SCOC: variants seen among roughly 807,000 people sequenced by gnomAD.
SCOC encodes short coiled coil protein.
In SCOC, 7 loss-of-function variants were observed where a neutral mutation model predicts 9.9. The observed-to-expected ratio is 0.71, with a 90% CI of 0.40 to 1.33. SCOC has a LOEUF of 1.33. Among genes scored for constraint, SCOC ranks in the 40% most tolerant of loss-of-function variants. The pLI is 0.01. For missense variants in SCOC, 66 were observed against 89.7 expected (o/e 0.74, Z 1.07); for synonymous variants, 19 against 28.2 (o/e 0.67, Z 1.03).
chr4:140,342,484 T>C (rs1726549148), upstream of SCOC, among the ~76,000 whole-genome samples: 1 of 152,218 alleles, frequency 6.6e-6, no homozygotes, highest in Non-Finnish European at 1.5e-5. Context: ...TTGCAGAATA[T>C]AATTGAAAAA....
At position 140,288,743 on chromosome 4, in the gene SCOC, ACAC is replaced by A. The variant is rs1731377939; in HGVS notation, c.-19+31337_-19+31339del. ...ATATACAAGTTACAGACATGTACACACACCACACACATCACCCTCATGCACATA... is the reference window on the plus strand; with the variant it reads ...ATATACAAGTTACAGACATGTACACACACACACATCACCCTCATGCACATA... On this transcript the variant is annotated intron_variant, in intron 1 of 4. Coordinates refer to the SCOC transcript ENST00000394205. 2.6e-5 allele frequency among the ~76,000 whole-genome samples: 4 copies of A among 152,024 alleles called. No homozygotes were observed. The East Asian group carries it at 7.7e-4, about 29-fold the overall frequency.
intron 1 of SCOC, among the ~76,000 whole-genome samples, chr4:140,321,432 T>G (rs957425871): frequency 3.3e-5 from 5 of 152,038 alleles, no homozygotes; most frequent in African/African-American, 1.2e-4. Flanking sequence ...TAAAGACTAA[T>G]GGAAAAGGTG....
chr4:140,268,523 C>G (rs1009002028), intron 1 of SCOC, among the ~76,000 whole-genome samples: 1 of 152,130 alleles, frequency 6.6e-6, no homozygotes, highest in Non-Finnish European at 1.5e-5. Flanking sequence ...TGGAAGAGCA[C>G]GAGCTGCATG....
chr4:140,373,868 TG>T (rs1728192259), intron 1 of SCOC, 151 bp downstream of exon 1: 1 of 871,134 alleles, frequency 1.1e-6, no homozygotes, highest in Admixed American at 2.0e-5. Flanking sequence ...GGGCATTTGG[TG>T]GGCGGCGGAG....
intron 2 of SCOC, among the ~76,000 whole-genome samples, chr4:140,365,072 T>C (rs10024214): frequency 0.8 from 121,716 of 151,808 alleles, 49,017 homozygotes; most frequent in Non-Finnish European, 0.85. Flanking sequence ...AAGATTGAAA[T>C]AATAAATTCC....
intron 1 of SCOC, among the ~76,000 whole-genome samples, chr4:140,286,423 C>T (rs1296077806): frequency 1.3e-5 from 2 of 151,892 alleles, no homozygotes; most frequent in African/African-American, 2.4e-5. Flanking sequence ...ATCTGGCTTG[C>T]GAACCCCACT....
At chr4:140,373,525 G>A (rs1358628438), upstream of SCOC, 4 of 1,551,720 alleles carry the variant, frequency 2.6e-6, no homozygotes, top group South Asian at 3.6e-5. Context: ...ACTGGGGTGA[G>A]GCGGGCAGCT....
At position 140,275,984 on chromosome 4, in the gene SCOC, C is replaced by T. The variant is rs532168056; in HGVS notation, c.-19+18574C>T. ...GACTACAGGTGTGTGCCACTATGCC[C>T]GGCTAATTTTTGTATTTTTGTTGTT... On this transcript the variant is annotated intron_variant, in intron 1 of 4. Transcript: ENST00000394205. 7.2e-5 allele frequency among the ~76,000 whole-genome samples: 11 copies of T among 151,738 alleles called. No individual in the cohort carries two copies. The East Asian group carries it at 1.4e-3, about 19-fold the overall frequency.
At chr4:140,301,044 A>T (rs376835443) in intron 1 of SCOC, among the ~76,000 whole-genome samples, 1 of 152,178 alleles carries the variant, frequency 6.6e-6, no homozygotes, top group East Asian at 1.9e-4. Context: ...CAAGCTTATA[A>T]CAAAGGAGCG....
At chr4:140,380,436 G>T (rs1253924139) in intron 3 of SCOC, among the ~76,000 whole-genome samples, 1 of 151,904 alleles carries the variant, frequency 6.6e-6, no homozygotes, top group East Asian at 1.9e-4. Flanking sequence ...CTGACCTCAT[G>T]ATCCACCCGC....
At chr4:140,317,684 G>GTATTAT (rs4056378) in intron 1 of SCOC, among the ~76,000 whole-genome samples, 1,306 of 127,256 alleles carry the variant, frequency 0.01, 25 homozygotes, top group African/African-American at 0.034. Context: ...TATTTTATTT[G>GTATTAT]TATTATTATT....
chr4:140,272,735 G>A (rs1730877353), intron 1 of SCOC, among the ~76,000 whole-genome samples: 1 of 151,960 alleles, frequency 6.6e-6, no homozygotes, highest in African/African-American at 2.4e-5. Flanking sequence ...AAGAAGAAAG[G>A]GATACTTTTA....
chr4:140,328,829 T>C (rs1732726945), intron 1 of SCOC, among the ~76,000 whole-genome samples: 1 of 152,312 alleles, frequency 6.6e-6, no homozygotes, highest in Non-Finnish European at 1.5e-5. Flanking sequence ...CCCAACCTAC[T>C]GCTCCCAAAA....
upstream of SCOC, among the ~76,000 whole-genome samples, chr4:140,370,030 A>G (rs1169645517): frequency 1.3e-5 from 2 of 151,968 alleles, no homozygotes; most frequent in Admixed American, 6.6e-5. Flanking sequence ...AATAAGCTGA[A>G]AGCTGAGTCA....
chr4:140,315,209 G>C (rs1578801061), intron 1 of SCOC, among the ~76,000 whole-genome samples: 1 of 152,212 alleles, frequency 6.6e-6, no homozygotes, highest in Non-Finnish European at 1.5e-5. Flanking sequence ...TTTTCAAGGA[G>C]GTTCATTCTA....
intron 1 of SCOC, among the ~76,000 whole-genome samples, chr4:140,303,157 TA>T (rs1731861847): frequency 6.6e-6 from 1 of 152,168 alleles, no homozygotes; most frequent in Admixed American, 6.5e-5. Flanking sequence ...AAGCTTTCTT[TA>T]GGGGGTTATG....
At chr4:140,269,138 A>G (rs1414797708) in intron 1 of SCOC, among the ~76,000 whole-genome samples, 2 of 152,176 alleles carry the variant, frequency 1.3e-5, no homozygotes, top group Non-Finnish European at 2.9e-5. Flanking sequence ...TCCCTTCACT[A>G]GACACAGGGC....
chr4:140,304,962 C>CACA (rs1731924530), intron 1 of SCOC, among the ~76,000 whole-genome samples: 19 of 152,110 alleles, frequency 1.2e-4, no homozygotes, highest in Admixed American at 6.5e-4. Flanking sequence ...CACTGCTGTG[C>CACA]TATTATAAGT....
chr4:140,274,524 C>T lies in SCOC; in HGVS notation c.-19+17114C>T, dbSNP rs764940737. Among the ~76,000 whole-genome samples, 55 of 152,282 alleles carry T rather than the reference C, an allele frequency of 3.6e-4. No homozygotes were observed. The Middle Eastern group carries it at 0.01, about 28-fold the overall frequency. On this transcript the variant is annotated intron_variant, in intron 1 of 4. Coordinates refer to the SCOC transcript ENST00000394205. ...GTAGAAGAGGTGCCAGTTTCTCTCTCGGCAGGTGCATCAGCTTCCCAACCT... is the reference window on the plus strand; with the variant it reads ...GTAGAAGAGGTGCCAGTTTCTCTCTTGGCAGGTGCATCAGCTTCCCAACCT...
Sources: allele counts gnomAD v4.1 joint callset (sites outside exome capture counted in the v4.1 genomes callset), GRCh38; gene constraint gnomAD v4.1.1; transcripts MANE v1.5; gene names NCBI Gene and HGNC (gene_info 2026-07-23, HGNC 2026-07-21).